The following PLXDC2 variants were observed in gnomAD, a reference collection of about 807,000 sequenced individuals.
The protein encoded by PLXDC2 is plexin domain containing 2, also known as plexin domain-containing protein 2.
PLXDC2 carries 40 observed loss-of-function variants against 68.9 expected under a neutral mutation model. The observed-to-expected ratio is 0.58, with a 90% confidence interval of 0.45 to 0.76. The LOEUF (loss-of-function observed/expected upper bound fraction) is 0.76, where lower values mean the gene tolerates loss of function less well. Ranked by LOEUF, PLXDC2 falls within the 30% of genes least tolerant of loss-of-function variation. The probability of loss-of-function intolerance (pLI) is 0.00; values close to 1 mark genes in which losing one functional copy is unlikely to be tolerated. For synonymous variants in PLXDC2, 243 were observed against 234.2 expected, an observed-to-expected ratio of 1.04 and a Z score of -0.34; for missense variants, 644 against 661.9, an observed-to-expected ratio of 0.97 and a Z score of 0.30.
chr10:20,225,041 A>T (rs1409387922), intron 12 of PLXDC2, among the ~76,000 whole-genome samples: 2 of 152,178 alleles, frequency 1.3e-5, no homozygotes, highest in East Asian at 3.8e-4. Context: ...TTAAGTTAAT[A>T]CAGAGGTACA....
At chr10:19,899,904 C>A (rs1182003209) in intron 1 of PLXDC2, among the ~76,000 whole-genome samples, 1 of 152,042 alleles carries the variant, frequency 6.6e-6, no homozygotes, top group African/African-American at 2.4e-5. Flanking sequence ...TTTCTTGGGT[C>A]AAGAGCATCT....
intron 4 of PLXDC2, among the ~76,000 whole-genome samples, chr10:20,135,453 G>A (rs992725103): frequency 1.8e-4 from 27 of 152,168 alleles, no homozygotes; most frequent in African/African-American, 6.5e-4. Context: ...CTAAGAACAT[G>A]TTACATGAAT....
chr10:20,081,418 G>GA (rs908463596), intron 4 of PLXDC2, among the ~76,000 whole-genome samples: 8 of 140,918 alleles, frequency 5.7e-5, no homozygotes, highest in East Asian at 2.0e-4. Context: ...GAAAAAAAAT[G>GA]AAAAAAACAA....
chr10:19,900,863 T>C (rs1838146669), intron 1 of PLXDC2, among the ~76,000 whole-genome samples: 1 of 151,908 alleles, frequency 6.6e-6, no homozygotes, highest in Non-Finnish European at 1.5e-5. Context: ...GTGTTTGGTT[T>C]TCCATTCCTG....
Position 19,952,790 on chromosome 10 carries a change from T to C in PLXDC2, c.113-48985T>C, listed in dbSNP as rs1834011207. 1.3e-5 allele frequency among the ~76,000 whole-genome samples: 2 copies of C among 152,248 alleles called. 1 individual carries two copies. The highest frequency in any genetic ancestry group is 1.3e-4 in the Admixed American group (2 of 15,284). ...AGGCTAGTTGTTACTTGCTTCGGAT[T>C]TTCCAGAAGGAAATAAGACTTAGTC... On this transcript the variant is annotated intron_variant, in intron 1 of 13. Coordinates refer to ENST00000377252, the MANE Select transcript of PLXDC2 (RefSeq NM_032812.9).
At chr10:20,028,518 T>A (rs2131665055) in intron 2 of PLXDC2, among the ~76,000 whole-genome samples, 1 of 152,318 alleles carries the variant, frequency 6.6e-6, no homozygotes, top group East Asian at 1.9e-4. Context: ...TTTCCCATAT[T>A]TGTTTTTTAG....
At chr10:19,866,918 A>C (rs1005555357) in intron 1 of PLXDC2, among the ~76,000 whole-genome samples, 1 of 152,190 alleles carries the variant, frequency 6.6e-6, no homozygotes, top group Non-Finnish European at 1.5e-5. Flanking sequence ...CAATTGGTCA[A>C]GGAAGCAAGG....
At chr10:19,832,739 C>T (rs184918232) in intron 1 of PLXDC2, among the ~76,000 whole-genome samples, 84 of 152,150 alleles carry the variant, frequency 5.5e-4, no homozygotes, top group African/African-American at 1.4e-3. Flanking sequence ...GGATACAGTG[C>T]GAGGGACAAA....
At chr10:20,177,488 A>T in intron 9 of PLXDC2, 79 bp downstream of exon 9, 1 of 712,928 alleles carries the variant, frequency 1.4e-6, no homozygotes, top group Non-Finnish European at 1.9e-6. Flanking sequence ...TAACTTATGG[A>T]CAGGTGCAGT....
chr10:19,881,115 A>AT (rs916027255), intron 1 of PLXDC2, among the ~76,000 whole-genome samples: 33 of 150,758 alleles, frequency 2.2e-4, no homozygotes, highest in South Asian at 1.1e-3. Flanking sequence ...GTAAGATGCG[A>AT]TTTTTTTTTC....
At chr10:19,869,473 G>GC (rs1245239778) in intron 1 of PLXDC2, among the ~76,000 whole-genome samples, 1 of 127,592 alleles carries the variant, frequency 7.8e-6, no homozygotes, top group Non-Finnish European at 1.7e-5. Context: ...GAGAAAGGGG[G>GC]GGGGGGGAGA....
intron 5 of PLXDC2, among the ~76,000 whole-genome samples, chr10:20,144,380 A>G (rs920299496): frequency 2.0e-5 from 3 of 152,174 alleles, no homozygotes; most frequent in African/African-American, 7.2e-5. Context: ...GCTAAGAGCC[A>G]TCTCCTGACC....
intron 1 of PLXDC2, among the ~76,000 whole-genome samples, chr10:19,884,998 A>T (rs1341156861): frequency 6.6e-6 from 1 of 152,198 alleles, no homozygotes; most frequent in Non-Finnish European, 1.5e-5. Context: ...ATTTCTCCAC[A>T]TCCTCTCCAG....
At chr10:20,228,621 G>A (rs1835318106) in intron 12 of PLXDC2, among the ~76,000 whole-genome samples, 1 of 147,940 alleles carries the variant, frequency 6.8e-6, no homozygotes. Context: ...GAGGAAAGAA[G>A]GAAGGAAGGG....
chr10:19,893,004 T>C (rs1380950323), intron 1 of PLXDC2, among the ~76,000 whole-genome samples: 1 of 151,638 alleles, frequency 6.6e-6, no homozygotes, highest in African/African-American at 2.4e-5. Context: ...ATTCCATAGA[T>C]ATTTAGAGAT....
chr10:19,884,365 T>A (rs1051518060), intron 1 of PLXDC2, among the ~76,000 whole-genome samples: 3 of 152,232 alleles, frequency 2.0e-5, no homozygotes, highest in Admixed American at 2.0e-4. Context: ...GATTTTTTTT[T>A]ATAATACTTT....
In PLXDC2 at chr10:20,219,098, T is replaced by C. The variant is rs146753939; in HGVS notation, c.1308T>C (p.Asn436=). 236 of 1,605,658 alleles carry C rather than the reference T, an allele frequency of 1.5e-4. No individual in the cohort carries two copies. Among genetic ancestry groups the C allele is most frequent in the Non-Finnish European group, 1.8e-4 (206 of 1,175,848 alleles). The change falls in exon 12 of 14, where the codon AAT becomes AAC. Residue 436 remains asparagine (N), a synonymous_variant. Coordinates refer to ENST00000377252, the MANE Select transcript of PLXDC2 (RefSeq NM_032812.9). ...AGATAGCACTACATCTAAAAGATAATGGAGGTAGGAATTGATACTTTTCTT... is the reference window on the plus strand; with the variant it reads ...AGATAGCACTACATCTAAAAGATAACGGAGGTAGGAATTGATACTTTTCTT... ...DTKIALHLKD[N]GASTDDSAAE...
intron 7 of PLXDC2, among the ~76,000 whole-genome samples, chr10:20,170,879 A>G (rs1392539619): frequency 6.6e-6 from 1 of 151,846 alleles, no homozygotes; most frequent in African/African-American, 2.4e-5. Flanking sequence ...ATTAAATAAA[A>G]TATTAAATGC....
intron 4 of PLXDC2, among the ~76,000 whole-genome samples, chr10:20,082,070 A>AAAAAAAAAAAAAAAAC (rs1554765383): frequency 3.8e-4 from 46 of 121,986 alleles, no homozygotes; most frequent in Non-Finnish European, 7.4e-4. Context: ...AAATCAAAAA[A>AAAAAAAAAAAAAAAAC]AAAAAACAGG....
Sources: gnomAD v4.1 joint callset for allele counts (sites outside exome capture counted in the v4.1 genomes callset) on GRCh38, gnomAD v4.1.1 for gene constraint, MANE v1.5 for transcripts, NCBI Gene and HGNC (gene_info 2026-07-23, HGNC 2026-07-21) for gene names.